The following GADL1 variants were observed in gnomAD, a reference collection of about 807,000 sequenced individuals.
GADL1 encodes the protein GAD like acidic amino acid decarboxylase 1, also known as acidic amino acid decarboxylase GADL1.
A neutral mutation model predicts 69.5 loss-of-function variants in GADL1; 71 were observed. The ratio of observed to expected loss-of-function variants is 1.02; its 90% confidence interval spans 0.84 to 1.25. GADL1 has a LOEUF of 1.25. Ranked by LOEUF, GADL1 falls within the 50% of genes most tolerant of loss-of-function variation. The pLI is 0.00. For missense variants in GADL1, 737 were observed against 631.8 expected (o/e 1.17, Z -1.79); for synonymous variants, 254 against 214.4 (o/e 1.18, Z -1.62).
intron 2 of GADL1, 115 bp downstream of exon 2, chr3:30,861,478 A>AGGCATAG: frequency 1.4e-6 from 1 of 695,338 alleles, no homozygotes. Flanking sequence ...TTTGAGACAA[A>AGGCATAG]GGCATAGAAG....
rs147314666 is a variant in GADL1 at position 30,850,352 on chromosome 3, G to A, written c.536-241C>T. Among the ~76,000 whole-genome samples, 231 of 151,852 alleles carry A rather than the reference G, an allele frequency of 1.5e-3. 3 individuals are homozygous for A. The East Asian group carries it at 0.035, about 23-fold the overall frequency. ...AAATTTTGGTTTATTCCCATGACAG[G>A]CTTTTTTTCAAACCAAAAGTCTCAA... On this transcript the variant is annotated intron_variant, in intron 5 of 14. Transcript: ENST00000282538.
At chr3:30,854,820 GC>G in intron 3 of GADL1, 31 bp from the exon 4 acceptor site, 1 of 1,189,872 alleles carries the variant, frequency 8.4e-7, no homozygotes, top group Admixed American at 2.3e-5. Flanking sequence ...ATTCATCTAT[GC>G]AGCAATAAAA....
At chr3:30,812,376 A>G (rs1697373590) in intron 11 of GADL1, among the ~76,000 whole-genome samples, 1 of 152,202 alleles carries the variant, frequency 6.6e-6, no homozygotes, top group Non-Finnish European at 1.5e-5. Context: ...AGTTTAATGG[A>G]CTCACAGTTC....
In GADL1 at chr3:30,759,409, T is replaced by C. The variant is rs1696065801; in HGVS notation, c.1392+18770A>G. On this transcript the variant is annotated intron_variant, in intron 14 of 14. Transcript: ENST00000282538. ...CTCATAATTCTTGTTACACTGGACA[T>C]TTTATTACAGTAACTCTTAGAAACA... 2.6e-5 allele frequency among the ~76,000 whole-genome samples: 4 copies of C among 152,352 alleles called. No individual in the cohort carries two copies. In the South Asian group the frequency reaches 8.3e-4, roughly 32 times the overall value.
At position 30,728,356 on chromosome 3, in the gene GADL1, C is replaced by T. The variant is rs1249988456; in HGVS notation, c.1452G>A (p.Gln484=). 1 of 1,613,784 alleles carries T rather than the reference C, an allele frequency of 6.2e-7. No homozygotes were observed. Among genetic ancestry groups the T allele is most frequent in the Non-Finnish European group, 8.5e-7 (1 of 1,179,856 alleles). ...AGAAGTTGACCTTTCCCCGGTGCGG[C>T]TGGTAGCCCAGCATCAAGCTTCCCT... ...MKKGSLMLGY[Q]PHRGKVNFFR... The change falls in exon 15 of 15, where the codon CAG becomes CAA. Residue 484 remains glutamine, a synonymous_variant. Transcript: ENST00000282538.
chr3:30,778,791 G>GAA (rs11435017), intron 13 of GADL1: 1 of 152,004 alleles, frequency 6.6e-6, no homozygotes, highest in African/African-American at 2.4e-5. Context: ...TACTGCTTTT[G>GAA]AAAAAAGAAC....
At chr3:30,822,371 T>C (rs1192559644) in intron 11 of GADL1, among the ~76,000 whole-genome samples, 3 of 152,158 alleles carry the variant, frequency 2.0e-5, no homozygotes, top group East Asian at 1.9e-4. Context: ...TTTCATGTAA[T>C]GCAAACTGCT....
intron 12 of GADL1, chr3:30,798,298 T>C (rs1697088981): frequency 2.0e-5 from 3 of 152,448 alleles, no homozygotes; most frequent in South Asian, 2.1e-4. Flanking sequence ...AAGAAAAAGG[T>C]TTAATTGAAC....
chr3:30,862,854 GATT>G (rs916193535), intron 1 of GADL1, among the ~76,000 whole-genome samples: 1 of 151,960 alleles, frequency 6.6e-6, no homozygotes, highest in African/African-American at 2.4e-5. Flanking sequence ...CTATGAACTA[GATT>G]ACAAAGTTTA....
intron 1 of GADL1, among the ~76,000 whole-genome samples, chr3:30,874,413 C>T (rs11718267): frequency 0.16 from 24,381 of 151,892 alleles, 2,361 homozygotes; most frequent in Admixed American, 0.3. Flanking sequence ...GGTTATTCCT[C>T]AGCTGAAACT....
At chr3:30,893,729 T>G (rs1698816455) in intron 1 of GADL1, among the ~76,000 whole-genome samples, 1 of 152,192 alleles carries the variant, frequency 6.6e-6, no homozygotes, top group Admixed American at 6.5e-5. Flanking sequence ...GGTTTCTGCC[T>G]CACCAACTAC....
intron 10 of GADL1, 136 bp downstream of exon 10, chr3:30,834,081 T>C (rs1697833936): frequency 1.0e-6 from 1 of 955,304 alleles, no homozygotes; most frequent in East Asian, 2.4e-5. Context: ...GTTTAAGGAA[T>C]TTGGAGGGAT....
intron 14 of GADL1, among the ~76,000 whole-genome samples, chr3:30,769,118 CTAAA>C (rs1258707341): frequency 1.3e-5 from 2 of 152,076 alleles, no homozygotes; most frequent in African/African-American, 4.8e-5. Flanking sequence ...TTTATTTTCT[CTAAA>C]TAAAATTAAA....
At chr3:30,858,331 CAG>C (rs1301121445) in intron 2 of GADL1, among the ~76,000 whole-genome samples, 1 of 151,890 alleles carries the variant, frequency 6.6e-6, no homozygotes, top group East Asian at 1.9e-4. Flanking sequence ...ATGTTTAGGA[CAG>C]GGGAATGAAA....
chr3:30,834,111 A>G, intron 10 of GADL1, 106 bp downstream of exon 10: 1 of 1,064,552 alleles, frequency 9.4e-7, no homozygotes, highest in Admixed American at 2.0e-5. Flanking sequence ...TTGTTTATTT[A>G]AGGAAAACAA....
At chr3:30,773,643 A>C (rs1696469560) in intron 14 of GADL1, among the ~76,000 whole-genome samples, 1 of 152,164 alleles carries the variant, frequency 6.6e-6, no homozygotes, top group South Asian at 2.1e-4. Flanking sequence ...TCTTGTCTGG[A>C]CACTACAAAT....
intron 1 of GADL1, among the ~76,000 whole-genome samples, chr3:30,879,356 G>A (rs1698614577): frequency 6.6e-6 from 1 of 151,862 alleles, no homozygotes; most frequent in Non-Finnish European, 1.5e-5. Flanking sequence ...AGCCCACTGG[G>A]AGGACCAAGG....
intron 12 of GADL1, among the ~76,000 whole-genome samples, chr3:30,786,716 A>G (rs1306254088): frequency 6.6e-6 from 1 of 152,210 alleles, no homozygotes; most frequent in Non-Finnish European, 1.5e-5. Context: ...TCTTACATTC[A>G]TACTGTAAAT....
rs908177728 is a variant in GADL1, at chr3:30,778,397, T to A, written c.1303-129A>T. 1.3e-5 allele frequency: 8 copies of A among 631,484 alleles called. No homozygotes were observed. The African/African-American group carries it at 1.5e-4, about 12-fold the overall frequency. The allele number at this position is 631,484 out of a possible 1,614,324, so 39.1% of individuals were successfully genotyped here. On this transcript the variant is annotated intron_variant, in intron 13 of 14. Coordinates refer to ENST00000282538, the MANE Select transcript of GADL1 (RefSeq NM_207359.3). The stretch of plus-strand genomic sequence containing the variant: ...GTATAAAATTTTAACATCAGAATCT[T>A]ATAGAGTAACAATCCCTTCTGCCTT...
Sources: allele counts gnomAD v4.1 joint callset (sites outside exome capture counted in the v4.1 genomes callset), GRCh38; gene constraint gnomAD v4.1.1; transcripts MANE v1.5; gene names NCBI Gene and HGNC (gene_info 2026-07-23, HGNC 2026-07-21).